SCAF1: variants seen among roughly 807,000 people sequenced by gnomAD.
SCAF1 encodes the protein splicing factor, arginine/serine-rich 19.
In SCAF1, 28 loss-of-function variants were observed where a neutral mutation model predicts 91.2. The observed-to-expected ratio is 0.31, with a 90% CI of 0.23 to 0.42. SCAF1 has a LOEUF of 0.42. Ranked by LOEUF, SCAF1 falls within the 10% of genes least tolerant of loss-of-function variation. The pLI is 1.00. For missense variants in SCAF1, 1,893 were observed against 1,872.1 expected, an observed-to-expected ratio of 1.01 and a Z score of -0.21; for synonymous variants, 1,036 against 833.7, an observed-to-expected ratio of 1.24 and a Z score of -4.18.
chr19:49,641,504 A>C (rs2081025947), upstream of SCAF1, among the ~76,000 whole-genome samples: 1 of 152,106 alleles, frequency 6.6e-6, no homozygotes, highest in South Asian at 2.1e-4. Context: ...TTTAGTAGAG[A>C]CTGGGTTTCA....
chr19:49,640,716 G>A (rs1170047914), upstream of SCAF1, among the ~76,000 whole-genome samples: 3 of 152,178 alleles, frequency 2.0e-5, no homozygotes, highest in African/African-American at 7.2e-5. Flanking sequence ...TCCCAGCCAA[G>A]CGGAAGACAG....
At position 49,658,242 on chromosome 19, in the gene SCAF1, T is replaced by C. The variant is rs1157056255; in HGVS notation, c.3782T>C (p.Val1261Ala). ...CHSKSGEINPVKVSNLVRAYV... is the reference protein window; with the variant it reads ...CHSKSGEINPAKVSNLVRAYV... ...AGCAAAAGTGGGGAAATCAACCCAG[T>C]GAAGGTGAGCAACCTGGTGCGGGCC... Residue 1261 changes from valine to alanine, a missense_variant, in exon 11 of 11, where the codon GTG (valine) becomes GCG (alanine). Coordinates refer to ENST00000360565, the MANE Select transcript of SCAF1 (RefSeq NM_021228.3). 2 of 1,613,458 alleles carry C rather than the reference T, an allele frequency of 1.2e-6. No homozygotes were observed. The highest frequency in any genetic ancestry group is 2.2e-5 in the East Asian group (1 of 44,862).
chr19:49,640,753 G>T (rs1469523008), upstream of SCAF1, among the ~76,000 whole-genome samples: 1 of 152,150 alleles, frequency 6.6e-6, no homozygotes, highest in Non-Finnish European at 1.5e-5. Flanking sequence ...GGCCCTAGAG[G>T]GGGACAGCAG....
At position 49,658,410 on chromosome 19, in the gene SCAF1, C is replaced by T. The variant is rs1230877631; in HGVS notation, c.*11C>T. 1.3e-6 allele frequency: 2 copies of T among 1,490,248 alleles called. No individual in the cohort carries two copies. Among genetic ancestry groups the T allele is most frequent in the Non-Finnish European group, 9.0e-7 (1 of 1,106,528 alleles). 92.3% of individuals were successfully genotyped at this position (1,490,248 alleles called of 1,614,324 possible). On this transcript the variant is annotated 3_prime_UTR_variant, in exon 11 of 11. Coordinates refer to ENST00000360565, the MANE Select transcript of SCAF1 (RefSeq NM_021228.3). ...CTGCCCCCTCTCTGAGAGCCCTGGC[C>T]AGCTCTTCGCCCCTCACCTCTTTGA...
At position 49,645,085 on chromosome 19, in the gene SCAF1, A is replaced by G; in HGVS notation, c.59A>G (p.Asp20Gly). The part of the protein sequence containing the change: ...KTEESGEDRG[D>G]GPPDRDPTLS... ...GAGGAGTCGGGGGAGGATCGGGGCG[A>G]TGGTCCGCCAGACAGAGACCCCACG... is the stretch of plus-strand genomic sequence containing the variant. The change falls in exon 2 of 11, where the codon GAT becomes GGT. Residue 20 changes from aspartate (D) to glycine (G), a missense_variant. By Grantham distance (94) the Asp-to-Gly change is moderately conservative. This residue lies in a region of SCAF1 where 270 missense variants were observed against 292.5 expected (regional missense o/e 0.92). Coordinates refer to ENST00000360565, the MANE Select transcript of SCAF1 (RefSeq NM_021228.3). The surrounding 1 kb of genome is among the most constrained non-coding windows in gnomAD (Gnocchi z 4.6). 1 of 1,614,122 alleles carries G rather than the reference A, an allele frequency of 6.2e-7. No homozygotes were observed. Among genetic ancestry groups the G allele is most frequent in the Non-Finnish European group, 8.5e-7 (1 of 1,179,988 alleles).
intron 6 of SCAF1, among the ~76,000 whole-genome samples, chr19:49,650,419 C>G (rs912648450): frequency 4.6e-5 from 7 of 152,178 alleles, no homozygotes; most frequent in Admixed American, 6.5e-5. Context: ...TTTCCTGTTT[C>G]TTCTCCCCCC....
upstream of SCAF1, among the ~76,000 whole-genome samples, chr19:49,640,468 CA>C (rs1445859409): frequency 6.6e-6 from 1 of 152,180 alleles, no homozygotes; most frequent in African/African-American, 2.4e-5. Context: ...AGGGGCTATG[CA>C]AATAAGGACC....
At position 49,646,345 on chromosome 19, in the gene SCAF1, G is replaced by A. The variant is rs993720434; in HGVS notation, c.261+143G>A. On this transcript the variant is annotated intron_variant, in intron 4 of 10. Transcript: ENST00000360565. This position sits in a 1 kb window ranked among gnomAD's most constrained non-coding sequence, Gnocchi z 5.6. Reference sequence around the variant, plus strand: ...CCAGGGGCAATGTTGGAGAGTCTGGGGGCCTGATCTGTGGGCCTGAGCTTT... The same window carrying A: ...CCAGGGGCAATGTTGGAGAGTCTGGAGGCCTGATCTGTGGGCCTGAGCTTT... 3.4e-5 allele frequency: 30 copies of A among 870,234 alleles called. No homozygotes were observed. In the African/African-American group the frequency reaches 5.1e-4, roughly 15 times the overall value. 53.9% of individuals were successfully genotyped at this position (870,234 alleles called of 1,614,324 possible).
In SCAF1 at chr19:49,652,040, G is replaced by A. The variant is rs2081096618; in HGVS notation, c.1651G>A (p.Asp551Asn). The A allele has an allele frequency of 8.1e-7, 1 of 1,234,944 alleles. No individual in the cohort carries two copies. The highest frequency in any genetic ancestry group is 5.4e-5 in the East Asian group (1 of 18,422). 76.5% of individuals were successfully genotyped at this position (1,234,944 alleles called of 1,614,324 possible). Reference sequence around the variant, plus strand: ...GCCGCCCGCCCCGGCCTCGCCCTGGGACTCCAAGAAGCACCGCTCGCGGGA... The same window carrying A: ...GCCGCCCGCCCCGGCCTCGCCCTGGAACTCCAAGAAGCACCGCTCGCGGGA... ...PAPPAPASPWDSKKHRSRDRK... is the reference protein window; with the variant it reads ...PAPPAPASPWNSKKHRSRDRK... The change falls in exon 7 of 11, where the codon GAC becomes AAC. Residue 551 changes from aspartate (D) to asparagine (N), a missense_variant. Transcript: ENST00000360565.
At position 49,651,393 on chromosome 19, in the gene SCAF1, C is replaced by T. The variant is rs749233252; in HGVS notation, c.1004C>T (p.Thr335Met). The T allele has an allele frequency of 6.2e-6, 10 of 1,607,464 alleles. No individual in the cohort carries two copies. The highest frequency in any genetic ancestry group is 4.5e-5 in the East Asian group (2 of 44,712). Residue 335 changes from threonine (T) to methionine (M), a missense_variant, in exon 7 of 11, where the codon ACG (threonine) becomes ATG (methionine). By Grantham distance (81) the Thr-to-Met change is moderately conservative (BLOSUM62 -1). Transcript: ENST00000360565. ...QPTQPTPAPGTPPQVDSTRAD... is the reference protein window; with the variant it reads ...QPTQPTPAPGMPPQVDSTRAD... ...ACACAGCCGACTCCCGCCCCTGGAA[C>T]GCCGCCCCAGGTGGACTCCACCCGG...
At chr19:49,654,134 A>G (rs376425995) in intron 7 of SCAF1, among the ~76,000 whole-genome samples, 1 of 152,052 alleles carries the variant, frequency 6.6e-6, no homozygotes, top group Non-Finnish European at 1.5e-5. Flanking sequence ...ACCCTGGCCA[A>G]CCCCGCACCC....
In SCAF1 at chr19:49,657,797, G is replaced by A. The variant is rs1330230192; in HGVS notation, c.3655G>A (p.Glu1219Lys). The change falls in exon 10 of 11, where the codon GAG becomes AAG. Residue 1219 changes from glutamate to lysine, a missense_variant. Around this residue, in one of 5 missense-constraint regions of SCAF1, gnomAD observed 56 missense variants for 106.3 expected, o/e 0.53. Coordinates refer to ENST00000360565, the MANE Select transcript of SCAF1 (RefSeq NM_021228.3). ...KKLHTQERAV[E>K]EVKLAIKPYY... ...GCTGCACACGCAGGAGCGGGCGGTG[G>A]AGGAGGTGAAGCTGGCCATCAAGCC... The A allele has an allele frequency of 6.2e-7, 1 of 1,607,420 alleles. No homozygotes were observed. Among genetic ancestry groups the A allele is most frequent in the Admixed American group, 1.7e-5 (1 of 58,856 alleles).
chr19:49,654,573 G>A (rs1599831502), intron 8 of SCAF1, 79 bp from the exon 9 acceptor site: 5 of 1,381,280 alleles, frequency 3.6e-6, no homozygotes, highest in Non-Finnish European at 5.1e-6. Flanking sequence ...GGGGAAGTCA[G>A]CGTGGGAACA....
At chr19:49,654,994 C>A in intron 9 of SCAF1, 124 bp downstream of exon 9, 1 of 743,886 alleles carries the variant, frequency 1.3e-6, no homozygotes, top group Non-Finnish European at 2.1e-6. Flanking sequence ...CCGTAGAGAC[C>A]AAAGTCATGG....
In SCAF1 at chr19:49,645,158, C is replaced by T; in HGVS notation, c.108+24C>T. On this transcript the variant is annotated intron_variant, in intron 2 of 10. Coordinates refer to ENST00000360565, the MANE Select transcript of SCAF1 (RefSeq NM_021228.3). This position sits in a 1 kb window ranked among gnomAD's most constrained non-coding sequence, Gnocchi z 4.6. ...TGGTGAGGCTGCTGGGCTCCTGGCA[C>T]TGAGGGATGGAGGAGCTGGGCATCC... 1 of 1,603,706 alleles carries T rather than the reference C, an allele frequency of 6.2e-7. No homozygotes were observed. The highest frequency in any genetic ancestry group is 8.5e-7 in the Non-Finnish European group (1 of 1,171,018).
At position 49,654,838 on chromosome 19, in the gene SCAF1, A is replaced by G. The variant is rs886531765; in HGVS notation, c.3586A>G (p.Ser1196Gly). 1 of 1,609,504 alleles carries G rather than the reference A, an allele frequency of 6.2e-7. No homozygotes were observed. Among genetic ancestry groups the G allele is most frequent in the Non-Finnish European group, 8.5e-7 (1 of 1,177,246 alleles). ...AATSDKREGSSSSEGRGDTDK... is the reference protein window; with the variant it reads ...AATSDKREGSGSSEGRGDTDK... ...CACGTCTGACAAGAGAGAGGGCAGC[A>G]GCAGCTCTGAGGGCCGTGGGGACAC... Residue 1196 changes from serine (S) to glycine (G), a missense_variant, in exon 9 of 11, where the codon AGC becomes GGC. Ser to Gly is a moderately conservative substitution (Grantham distance 56, BLOSUM62 0). Around this residue, in one of 5 missense-constraint regions of SCAF1, gnomAD observed 1,436 missense variants for 1,306.8 expected, o/e 1.10. Transcript: ENST00000360565.
At chr19:49,655,906 A>G (rs774188978) in intron 9 of SCAF1, among the ~76,000 whole-genome samples, 2 of 151,872 alleles carry the variant, frequency 1.3e-5, no homozygotes, top group African/African-American at 4.8e-5. Flanking sequence ...CCTGAGCTCA[A>G]GTGATTCTCC....
intron 7 of SCAF1, 152 bp downstream of exon 7, chr19:49,653,857 C>T (rs1426315931): frequency 1.4e-6 from 1 of 707,778 alleles, no homozygotes; most frequent in East Asian, 3.1e-5. Context: ...GCCAGCCAGG[C>T]TCTAGGTGCC....
At chr19:49,650,529 C>A (rs1259814876) in intron 6 of SCAF1, among the ~76,000 whole-genome samples, 1 of 152,134 alleles carries the variant, frequency 6.6e-6, no homozygotes, top group Non-Finnish European at 1.5e-5. Flanking sequence ...GTTTCAAGGC[C>A]AGGGTACATT....
Sources: gnomAD v4.1 joint callset for allele counts (sites outside exome capture counted in the v4.1 genomes callset) on GRCh38, gnomAD v4.1.1 for gene constraint, gnomAD v4.1.1 regional missense constraint, Gnocchi (gnomAD v3.1) non-coding constraint, MANE v1.5 for transcripts, NCBI Gene and HGNC (gene_info 2026-07-23, HGNC 2026-07-21) for gene names.